Variants in KIAA0513 observed in about 807,000 individuals in gnomAD.
KIAA0513 encodes uncharacterized protein KIAA0513.
Under a neutral mutation model 56.5 loss-of-function variants are expected in KIAA0513, and 39 were observed. That is an observed-to-expected ratio of 0.69 (90% CI 0.53 to 0.90). The LOEUF (loss-of-function observed/expected upper bound fraction) is 0.90. Ranked by LOEUF, KIAA0513 falls within the 40% of genes least tolerant of loss-of-function variation. The pLI is 0.00. For synonymous variants in KIAA0513, 268 were observed against 215.6 expected (o/e 1.24, Z -2.13); for missense variants, 591 against 535.2 (o/e 1.10, Z -1.03).
Position 85,072,750 on chromosome 16 carries a change from C to T in KIAA0513, c.430-175C>T, listed in dbSNP as rs146247975. Among the ~76,000 whole-genome samples, 47 of 152,320 alleles carry T rather than the reference C, an allele frequency of 3.1e-4. No individual in the cohort carries two copies. In the East Asian group the frequency reaches 6.9e-3, roughly 23 times the overall value. The stretch of plus-strand genomic sequence containing the variant: ...AGTGATGGTTGGGTGCAGGTGGCTA[C>T]ACTCTGCCCGGGTCCTGGCAGAAGG... On this transcript the variant is annotated intron_variant, in intron 3 of 12. Coordinates refer to ENST00000683363, the MANE Select transcript of KIAA0513 (RefSeq NM_001388359.1).
intron 1 of KIAA0513, among the ~76,000 whole-genome samples, chr16:85,046,966 G>A (rs2073180115): frequency 6.6e-6 from 1 of 152,138 alleles, no homozygotes; most frequent in Non-Finnish European, 1.5e-5. Flanking sequence ...TGCGAGTTGA[G>A]GATATTCACC....
intron 1 of KIAA0513, among the ~76,000 whole-genome samples, chr16:85,034,305 G>C (rs2073005908): frequency 1.3e-5 from 2 of 152,122 alleles, no homozygotes; most frequent in Non-Finnish European, 2.9e-5. Context: ...GCTTGAACCT[G>C]GGGGGTGGAG....
intron 8 of KIAA0513, chr16:85,079,262 A>G (rs1279338583): frequency 4.7e-6 from 3 of 635,048 alleles, no homozygotes; most frequent in Non-Finnish European, 7.5e-6. Flanking sequence ...GGTGAAACAC[A>G]AGAGTTACTC....
chr16:85,081,353 C>A lies in KIAA0513; in HGVS notation c.941C>A (p.Ala314Asp). 6.3e-7 allele frequency: 1 copy of A among 1,597,816 alleles called. No individual in the cohort carries two copies. The highest frequency in any genetic ancestry group is 1.1e-5 in the South Asian group (1 of 88,380). The change falls in exon 9 of 13, where the codon GCT becomes GAT. Residue 314 changes from alanine (A) to aspartate (D), a missense_variant. Transcript: ENST00000683363. The surrounding 1 kb of genome is among the most constrained non-coding windows in gnomAD (Gnocchi z 4.4). Reference sequence around the variant, plus strand: ...TTCTGGAATGCAGCCTTTTTTGACGCTGTCCATTGTGAGAGGACAAAGCGA... The same window carrying A: ...TTCTGGAATGCAGCCTTTTTTGACGATGTCCATTGTGAGAGGACAAAGCGA... ...LRFWNAAFFD[A>D]VHCERTKRSP... is the part of the protein sequence containing the mutation.
intron 1 of KIAA0513, among the ~76,000 whole-genome samples, chr16:85,038,577 G>T (rs1335128986): frequency 2.0e-5 from 3 of 151,676 alleles, no homozygotes; most frequent in African/African-American, 7.3e-5. Flanking sequence ...GCGTGGTGGT[G>T]GGCACCTGTA....
intron 1 of KIAA0513, among the ~76,000 whole-genome samples, chr16:85,033,305 G>A (rs1355548502): frequency 6.6e-6 from 1 of 152,116 alleles, no homozygotes; most frequent in Non-Finnish European, 1.5e-5. Flanking sequence ...CAGCAGGGAC[G>A]CCACAGCAGC....
chr16:85,041,629 G>A (rs946547960), intron 1 of KIAA0513, among the ~76,000 whole-genome samples: 2 of 152,170 alleles, frequency 1.3e-5, no homozygotes, highest in African/African-American at 4.8e-5. Flanking sequence ...CGCTACTCGG[G>A]CGCTGCCTCC....
chr16:85,028,073 C>T (rs770293849), intron 1 of KIAA0513, among the ~76,000 whole-genome samples: 18 of 152,080 alleles, frequency 1.2e-4, no homozygotes, highest in African/African-American at 3.4e-4. Context: ...GCGGGCTCCT[C>T]GCCTGCTGGG....
chr16:85,087,683 C>G (rs1031238534), intron 12 of KIAA0513, among the ~76,000 whole-genome samples: 1 of 152,296 alleles, frequency 6.6e-6, no homozygotes, highest in African/African-American at 2.4e-5. Context: ...TCCCTGTGTG[C>G]CCCCGCCATC....
At chr16:85,044,366 A>T (rs1183373565) in intron 1 of KIAA0513, among the ~76,000 whole-genome samples, 1 of 152,122 alleles carries the variant, frequency 6.6e-6, no homozygotes, top group Non-Finnish European at 1.5e-5. Context: ...GGTGACTCAG[A>T]AATCAGGCCC....
chr16:85,073,101 CCA>C, intron 4 of KIAA0513, 103 bp downstream of exon 4: 1 of 937,190 alleles, frequency 1.1e-6, no homozygotes. Context: ...TGAACCATAT[CCA>C]CACTAGTCAT....
chr16:85,078,399 G>A lies in KIAA0513; in HGVS notation c.783-16G>A. On this transcript the variant is annotated splice_polypyrimidine_tract_variant and intron_variant, in intron 6 of 12. Transcript: ENST00000683363. ...TGTGAGTCGCGTGTGTCATCATTGT[G>A]CCTTCTCTCCCTCAGGGAAGACGAG... 1 of 1,613,904 alleles carries A rather than the reference G, an allele frequency of 6.2e-7. No homozygotes were observed. Among genetic ancestry groups the A allele is most frequent in the Non-Finnish European group, 8.5e-7 (1 of 1,179,932 alleles).
chr16:85,056,101 C>T (rs1287250319), intron 1 of KIAA0513, among the ~76,000 whole-genome samples: 1 of 152,262 alleles, frequency 6.6e-6, no homozygotes, highest in Non-Finnish European at 1.5e-5. Flanking sequence ...GCAGTTTCTC[C>T]TGTCCATGTG....
chr16:85,032,552 C>T (rs8044989), intron 1 of KIAA0513, among the ~76,000 whole-genome samples: 30,406 of 152,016 alleles, frequency 0.2, 3,145 homozygotes, highest in Middle Eastern at 0.23. Flanking sequence ...AGGCTGGTCT[C>T]AAGTTCCTGA....
At chr16:85,073,071 G>C in intron 4 of KIAA0513, 73 bp downstream of exon 4, 1 of 1,265,296 alleles carries the variant, frequency 7.9e-7, no homozygotes, top group Non-Finnish European at 1.2e-6. Context: ...TCCCCACCCA[G>C]CCGTGTCATA....
intron 8 of KIAA0513, chr16:85,079,402 C>G (rs1214344170): frequency 1.0e-5 from 2 of 199,622 alleles, no homozygotes; most frequent in Non-Finnish European, 2.1e-5. Context: ...TCATGGCTGT[C>G]CAGTGATGAA....
chr16:85,037,245 G>A (rs1334052376), intron 1 of KIAA0513, among the ~76,000 whole-genome samples: 1 of 152,024 alleles, frequency 6.6e-6, no homozygotes, highest in Non-Finnish European at 1.5e-5. Flanking sequence ...ATGACTCAGT[G>A]GCAAAAGTGA....
rs1415554298 is a variant in KIAA0513 at position 85,070,679 on chromosome 16, CA to C, written c.330-1096del. Among the ~76,000 whole-genome samples, 4 of 151,736 alleles carry C rather than the reference CA, an allele frequency of 2.6e-5. No individual in the cohort carries two copies. In the East Asian group the frequency reaches 5.8e-4, roughly 22 times the overall value. On this transcript the variant is annotated intron_variant, in intron 2 of 12. Transcript: ENST00000683363. The stretch of plus-strand genomic sequence containing the variant: ...CGCAAGACAGAGCGAGACTCCGTCT[CA>C]AAAAAAATTGATAAATAAAAATGCA...
At chr16:85,082,294 C>A (rs1333835174) in intron 9 of KIAA0513, among the ~76,000 whole-genome samples, 1 of 152,042 alleles carries the variant, frequency 6.6e-6, no homozygotes, top group Non-Finnish European at 1.5e-5. Flanking sequence ...GAGGGAAAGA[C>A]GCTGAGACTG....
Sources: allele counts gnomAD v4.1 joint callset (sites outside exome capture counted in the v4.1 genomes callset), GRCh38; gene constraint gnomAD v4.1.1; non-coding constraint Gnocchi (gnomAD v3.1); transcripts MANE v1.5; gene names NCBI Gene and HGNC (gene_info 2026-07-23, HGNC 2026-07-21).